The following OR52N5 variants were observed in gnomAD, a reference collection of about 807,000 sequenced individuals.
OR52N5 encodes the protein olfactory receptor family 52 subfamily N member 5, also known as olfactory receptor 52N5.
OR52N5 carries 10 observed loss-of-function variants against 14.1 expected under a neutral mutation model. That is an observed-to-expected ratio of 0.71 (90% CI 0.44 to 1.20). The LOEUF (loss-of-function observed/expected upper bound fraction) is 1.20, where lower values mean the gene tolerates loss of function less well. OR52N5 is among the 50% of genes most tolerant of loss of function. The probability of loss-of-function intolerance (pLI) is 0.00; values close to 1 mark genes in which losing one functional copy is unlikely to be tolerated. For synonymous variants in OR52N5, 116 were observed against 143.0 expected (o/e 0.81, Z 1.35); for missense variants, 361 against 403.2 (o/e 0.90, Z 0.90).
In OR52N5 at chr11:5,778,352, A is replaced by G. The variant is rs748546342; in HGVS notation, c.283T>C (p.Trp95Arg). 1.9e-5 allele frequency: 29 copies of G among 1,520,642 alleles called. 8 individuals carry two copies. The highest frequency in any genetic ancestry group is 2.6e-5 in the Non-Finnish European group (29 of 1,114,370). 94.2% of individuals were successfully genotyped at this position (1,520,642 alleles called of 1,614,324 possible). A position where few individuals can be genotyped will look rare whatever the true frequency, so the allele number is the denominator to read the frequency against. ...TTLPNALCIF[W>R]FSLKEINFNA... ...AAGTTAATTTCTTTGAGACTGAACC[A>G]GAAGATGCAGAGTGCATTGGGTAGA... Residue 95 changes from tryptophan to arginine, a missense_variant, in exon 3 of 3, where the codon TGG becomes CGG. Coordinates refer to ENST00000641181, the MANE Select transcript of OR52N5 (RefSeq NM_001385662.1).
chr11:5,780,787 C>T (rs1207507383), intron 2 of OR52N5, among the ~76,000 whole-genome samples: 4 of 139,684 alleles, frequency 2.9e-5, no homozygotes, highest in African/African-American at 1.0e-4. Flanking sequence ...GCCAAGAACA[C>T]ACAATCAGGA....
rs907193257 is a variant in OR52N5 at position 5,777,435 on chromosome 11, T to C, written c.*225A>G. Reference sequence around the variant, plus strand: ...TATGTGTCAATTTAAATAAATTGAGTTAAACTCATTTTTTAAAAACTGGCA... The same window carrying C: ...TATGTGTCAATTTAAATAAATTGAGCTAAACTCATTTTTTAAAAACTGGCA... On this transcript the variant is annotated 3_prime_UTR_variant, in exon 3 of 3. Transcript: ENST00000641181. The C allele has an allele frequency of 1.6e-5, 5 of 303,302 alleles. 1 individual carries two copies. Among genetic ancestry groups the C allele is most frequent in the Non-Finnish European group, 2.4e-5 (4 of 168,288 alleles). 18.8% of individuals were successfully genotyped at this position (303,302 alleles called of 1,614,324 possible).
intron 2 of OR52N5, 132 bp from the exon 3 acceptor site, chr11:5,778,789 A>G: frequency 1.9e-6 from 1 of 529,976 alleles, no homozygotes; most frequent in Non-Finnish European, 3.3e-6. Context: ...TATACAATGT[A>G]TTGAATAATA....
At position 5,778,204 on chromosome 11, in the gene OR52N5, G is replaced by T; in HGVS notation, c.431C>A (p.Thr144Lys). ...CTTGGCAATGATAGGGTTGGTGAGT[G>T]TGGTAGCATAACGCAAAGGGTAGCA... is the stretch of plus-strand genomic sequence containing the variant. ...AICYPLRYAT[T>K]LTNPIIAKAE... The change falls in exon 3 of 3, where the codon ACA becomes AAA. Residue 144 changes from threonine to lysine, a missense_variant. Thr to Lys is a moderately conservative substitution (Grantham distance 78). Transcript: ENST00000641181. The T allele has an allele frequency of 6.6e-7, 1 of 1,520,316 alleles. No individual in the cohort carries two copies. The highest frequency in any genetic ancestry group is 9.0e-7 in the Non-Finnish European group (1 of 1,113,682). 94.2% of individuals were successfully genotyped at this position (1,520,316 alleles called of 1,614,324 possible). A position where few individuals can be genotyped will look rare whatever the true frequency, so the allele number is the denominator to read the frequency against.
Position 5,782,304 on chromosome 11 carries a change from A to C in OR52N5, c.-247-548T>G, listed in dbSNP as rs1371931781. 4.3e-5 allele frequency among the ~76,000 whole-genome samples: 6 copies of C among 139,780 alleles called. 2 individuals are homozygous for C. The highest frequency in any genetic ancestry group is 7.9e-5 in the African/African-American group (3 of 38,114). 91.7% of individuals were successfully genotyped at this position (139,780 alleles called of 152,430 possible). On this transcript the variant is annotated intron_variant, in intron 1 of 2. Coordinates refer to ENST00000641181, the MANE Select transcript of OR52N5 (RefSeq NM_001385662.1). ...TCTCCATCTCTACTCTGGTGTTTTT[A>C]GGTTTACCTTGCACATAAATAGCAG...
rs767719454 is a variant in OR52N5 at position 5,778,528 on chromosome 11, G to T, written c.107C>A (p.Ser36Tyr). The change falls in exon 3 of 3, where the codon TCC (serine) becomes TAC (tyrosine). Residue 36 changes from serine (S) to tyrosine (Y), a missense_variant. Physicochemically the swap from Ser to Tyr is moderately radical, Grantham distance 144 (BLOSUM62 -2). Transcript: ENST00000641181. Reference protein sequence around the residue: ...PGLERVHVWISLPLCTMYIIF... With the variant: ...PGLERVHVWIYLPLCTMYIIF... ...GATGTACATTGTGCAGAGTGGGAGGGAGATCCATACATGTACTCTTTCCAG... is the reference window on the plus strand; with the variant it reads ...GATGTACATTGTGCAGAGTGGGAGGTAGATCCATACATGTACTCTTTCCAG... 3.3e-6 allele frequency: 5 copies of T among 1,515,558 alleles called. 2 individuals are homozygous for T. The South Asian group carries it at 3.5e-5, about 11-fold the overall frequency. 93.9% of individuals were successfully genotyped at this position (1,515,558 alleles called of 1,614,324 possible).
rs1400482937 is a variant in OR52N5, at chr11:5,777,071, G to C, written c.*589C>G. The C allele has an allele frequency of 1.4e-5, 2 of 139,134 alleles. 1 individual carries two copies. The highest frequency in any genetic ancestry group is 3.2e-5 in the Non-Finnish European group (2 of 63,084). The allele number at this position is 139,134 out of a possible 1,614,324, so 8.6% of individuals were successfully genotyped here. ...AAGACATAGTGTTCAATAGTACAGT[G>C]GATAACTGTAGTTAACAATAATTTA... On this transcript the variant is annotated 3_prime_UTR_variant, in exon 3 of 3. Transcript: ENST00000641181.
At chr11:5,780,919 T>C (rs1008106199) in intron 2 of OR52N5, among the ~76,000 whole-genome samples, 1 of 140,510 alleles carries the variant, frequency 7.1e-6, no homozygotes, top group African/African-American at 2.6e-5. Flanking sequence ...AAGACTTAAA[T>C]GCCTGATGCT....
chr11:5,778,203 T>C lies in OR52N5; in HGVS notation c.432A>G (p.Thr144=), dbSNP rs181356472. Residue 144 remains threonine, a synonymous_variant, in exon 3 of 3, where the codon ACA becomes ACG. Transcript: ENST00000641181. ...CCTTGGCAATGATAGGGTTGGTGAG[T>C]GTGGTAGCATAACGCAAAGGGTAGC... ...AICYPLRYAT[T]LTNPIIAKAE... is the part of the protein sequence containing the mutation. The C allele has an allele frequency of 2.9e-4, 441 of 1,519,472 alleles. 77 individuals are homozygous for C. The highest frequency in any genetic ancestry group is 3.7e-4 in the Non-Finnish European group (413 of 1,113,510). The allele number at this position is 1,519,472 out of a possible 1,614,324, so 94.1% of individuals were successfully genotyped here.
rs550475196 is a variant in OR52N5, at chr11:5,779,256, T to C, written c.-23-599A>G. Among the ~76,000 whole-genome samples, 4 of 140,092 alleles carry C rather than the reference T, an allele frequency of 2.9e-5. 1 individual carries two copies. The East Asian group carries it at 8.2e-4, about 29-fold the overall frequency. The allele number at this position is 140,092 out of a possible 152,430, so 91.9% of individuals were successfully genotyped here. ...GCAGGTGATACCTACCTCAAAGAGT[T>C]CTGAAAAATAATCAGAAATTTATTT... On this transcript the variant is annotated intron_variant, in intron 2 of 2. Coordinates refer to ENST00000641181, the MANE Select transcript of OR52N5 (RefSeq NM_001385662.1).
Position 5,778,263 on chromosome 11 carries a change from G to A in OR52N5, c.372C>T (p.Leu124=), listed in dbSNP as rs1202955881. ...HGFTGVESGV[L]MLMALDRYVA... is the part of the protein sequence containing the mutation. ...CATAGCGGTCTAGAGCCATGAGCAT[G>A]AGCACCCCAGACTCCACACCTGTGA... Residue 124 remains leucine, a synonymous_variant, in exon 3 of 3, where the codon CTC becomes CTT. Coordinates refer to ENST00000641181, the MANE Select transcript of OR52N5 (RefSeq NM_001385662.1). The A allele has an allele frequency of 2.0e-6, 3 of 1,520,984 alleles. 1 individual carries two copies. Among genetic ancestry groups the A allele is most frequent in the Non-Finnish European group, 2.7e-6 (3 of 1,114,686 alleles). 94.2% of individuals were successfully genotyped at this position (1,520,984 alleles called of 1,614,324 possible).
In OR52N5 at chr11:5,776,766, A is replaced by T. The variant is rs1420256008; in HGVS notation, c.*894T>A. 1 of 140,572 alleles carries T rather than the reference A, an allele frequency of 7.1e-6. No homozygotes were observed. The highest frequency in any genetic ancestry group is 2.1e-4 in the East Asian group (1 of 4,850). 8.7% of individuals were successfully genotyped at this position (140,572 alleles called of 1,614,324 possible). A position where few individuals can be genotyped will look rare whatever the true frequency, so the allele number is the denominator to read the frequency against. On this transcript the variant is annotated 3_prime_UTR_variant, in exon 3 of 3. Transcript: ENST00000641181. The stretch of plus-strand genomic sequence containing the variant: ...TTTTTTATGATGCCACATTTTCTTT[A>T]TCCACTTCTCTGTTGATGGACACAG...
At position 5,778,154 on chromosome 11, in the gene OR52N5, C is replaced by A; in HGVS notation, c.481G>T (p.Gly161Cys). 1 of 1,520,870 alleles carries A rather than the reference C, an allele frequency of 6.6e-7. No homozygotes were observed. Among genetic ancestry groups the A allele is most frequent in the Non-Finnish European group, 9.0e-7 (1 of 1,114,548 alleles). 94.2% of individuals were successfully genotyped at this position (1,520,870 alleles called of 1,614,324 possible). A position where few individuals can be genotyped will look rare whatever the true frequency, so the allele number is the denominator to read the frequency against. The change falls in exon 3 of 3, where the codon GGT (glycine) becomes TGT (cysteine). Residue 161 changes from glycine to cysteine, a missense_variant. By Grantham distance (159) the Gly-to-Cys change is radical. Transcript: ENST00000641181. Reference protein sequence around the residue: ...AKAELATFLRGVLLMIPFPFL... With the variant: ...AKAELATFLRCVLLMIPFPFL... Reference sequence around the variant, plus strand: ...GGGAAAGGAATCATCAGCAATACACCCCTCAGGAAGGTGGCAAGCTCAGCC... The same window carrying A: ...GGGAAAGGAATCATCAGCAATACACACCTCAGGAAGGTGGCAAGCTCAGCC...
In OR52N5 at chr11:5,779,994, C is replaced by T. The variant is rs376375279; in HGVS notation, c.-23-1337G>A. Among the ~76,000 whole-genome samples, 64 of 140,020 alleles carry T rather than the reference C, an allele frequency of 4.6e-4. 11 individuals carry two copies. In the East Asian group the frequency reaches 7.0e-3, roughly 15 times the overall value. 91.9% of individuals were successfully genotyped at this position (140,020 alleles called of 152,430 possible). Reference sequence around the variant, plus strand: ...AGAAAATTTCTTATATCAGCTCTTTCTTTCTAACACCACTTTCAGCGTAAA... The same window carrying T: ...AGAAAATTTCTTATATCAGCTCTTTTTTTCTAACACCACTTTCAGCGTAAA... On this transcript the variant is annotated intron_variant, in intron 2 of 2. Coordinates refer to ENST00000641181, the MANE Select transcript of OR52N5 (RefSeq NM_001385662.1).
At chr11:5,778,807 C>A in intron 2 of OR52N5, 150 bp from the exon 3 acceptor site, 1 of 448,826 alleles carries the variant, frequency 2.2e-6, no homozygotes, top group South Asian at 4.2e-5. Flanking sequence ...ATACTGTATT[C>A]CAGATAACAT....
chr11:5,781,345 T>C (rs1326093828), intron 2 of OR52N5, among the ~76,000 whole-genome samples, 188 bp downstream of exon 2: 2 of 139,840 alleles, frequency 1.4e-5, no homozygotes, highest in African/African-American at 2.6e-5. Flanking sequence ...TGAAGGTAAA[T>C]AGTAAGAAAG....
intron 1 of OR52N5, among the ~76,000 whole-genome samples, 189 bp downstream of exon 1, chr11:5,783,106 T>G (rs1397455304): frequency 7.2e-6 from 1 of 139,466 alleles, no homozygotes; most frequent in Non-Finnish European, 1.6e-5. Flanking sequence ...CAAGAACACA[T>G]ATCCCTTACA....
rs1447714185 is a variant in OR52N5 at position 5,782,930 on chromosome 11, T to A, written c.-248+365A>T. Among the ~76,000 whole-genome samples, 15 of 138,984 alleles carry A rather than the reference T, an allele frequency of 1.1e-4. 5 individuals are homozygous for A. The highest frequency in any genetic ancestry group is 2.1e-4 in the Non-Finnish European group (13 of 63,014). 91.2% of individuals were successfully genotyped at this position (138,984 alleles called of 152,430 possible). A position where few individuals can be genotyped will look rare whatever the true frequency, so the allele number is the denominator to read the frequency against. ...TGACTTGAAGGGAAAAGTTTGTAGC[T>A]ATTTGTTTTTTCCTGATTTAAGAGA... On this transcript the variant is annotated intron_variant, in intron 1 of 2. Coordinates refer to ENST00000641181, the MANE Select transcript of OR52N5 (RefSeq NM_001385662.1).
Position 5,777,845 on chromosome 11 carries a change from C to T in OR52N5, c.790G>A (p.Ala264Thr). The change falls in exon 3 of 3, where the codon GCA becomes ACA. Residue 264 changes from alanine to threonine, a missense_variant. Ala to Thr is a moderately conservative substitution (Grantham distance 58). Transcript: ENST00000641181. The stretch of plus-strand genomic sequence containing the variant: ...CGGTGGGCAAAGAAAGTGAAGAATG[C>T]TGGAACATAGGTGATGATGATGGCA... Reference protein sequence around the residue: ...ISAIIITYVPAFFTFFAHRFG... With the variant: ...ISAIIITYVPTFFTFFAHRFG... The T allele has an allele frequency of 6.6e-7, 1 of 1,519,402 alleles. No individual in the cohort carries two copies. The highest frequency in any genetic ancestry group is 9.0e-7 in the Non-Finnish European group (1 of 1,113,266). 94.1% of individuals were successfully genotyped at this position (1,519,402 alleles called of 1,614,324 possible). A position where few individuals can be genotyped will look rare whatever the true frequency, so the allele number is the denominator to read the frequency against.
Sources: allele counts gnomAD v4.1 joint callset (sites outside exome capture counted in the v4.1 genomes callset), GRCh38; gene constraint gnomAD v4.1.1; transcripts MANE v1.5; gene names NCBI Gene and HGNC (gene_info 2026-07-23, HGNC 2026-07-21).